Variants in EXT1 observed in about 807,000 individuals in gnomAD.
EXT1 encodes the protein exostosin glycosyltransferase 1, also known as exostosin-1.
Under a neutral mutation model 82.5 loss-of-function variants are expected in EXT1, and 20 were observed. The ratio of observed to expected loss-of-function variants is 0.24; its 90% CI spans 0.17 to 0.35. The LOEUF (loss-of-function observed/expected upper bound fraction) is 0.35. Ranked by LOEUF, EXT1 falls within the 10% of genes least tolerant of loss-of-function variation. The pLI is 1.00. For synonymous variants in EXT1, 348 were observed against 350.8 expected (o/e 0.99, Z 0.09); for missense variants, 757 against 936.5 (o/e 0.81, Z 2.50).
At chr8:117,979,385 AAC>A (rs1230252640) in intron 1 of EXT1, among the ~76,000 whole-genome samples, 30 of 151,914 alleles carry the variant, frequency 2.0e-4, no homozygotes, top group Non-Finnish European at 3.8e-4. Context: ...CAAACAAAAA[AAC>A]AAAACAAAAA....
intron 1 of EXT1, among the ~76,000 whole-genome samples, chr8:118,013,055 G>A (rs1050092818): frequency 1.6e-4 from 24 of 151,796 alleles, no homozygotes; most frequent in South Asian, 4.2e-4. Context: ...TTTTCTTTGA[G>A]ACAGAATCTC....
At chr8:117,951,104 A>T (rs1343822377) in intron 1 of EXT1, among the ~76,000 whole-genome samples, 1 of 152,218 alleles carries the variant, frequency 6.6e-6, no homozygotes, top group East Asian at 1.9e-4. Flanking sequence ...ACCTTTTCTG[A>T]GAGCTAATCA....
At chr8:117,850,790 C>A (rs1463097651) in intron 1 of EXT1, among the ~76,000 whole-genome samples, 7 of 152,138 alleles carry the variant, frequency 4.6e-5, no homozygotes, top group Non-Finnish European at 2.9e-5. Context: ...ACCATTGGAG[C>A]ATTTCAGGCA....
intron 1 of EXT1, among the ~76,000 whole-genome samples, chr8:117,867,944 A>G (rs113278498): frequency 2.1e-4 from 32 of 152,318 alleles, no homozygotes; most frequent in South Asian, 2.1e-3. Flanking sequence ...CTTGGGCTCA[A>G]TATTGAGGGC....
At chr8:117,807,918 G>A (rs1823262539) in intron 8 of EXT1, among the ~76,000 whole-genome samples, 2 of 151,754 alleles carry the variant, frequency 1.3e-5, no homozygotes, top group South Asian at 4.2e-4. Flanking sequence ...GTATCATAAA[G>A]AAAACATAAT....
intron 1 of EXT1, among the ~76,000 whole-genome samples, chr8:117,938,249 G>A (rs1019959230): frequency 1.3e-5 from 2 of 152,086 alleles, no homozygotes; most frequent in East Asian, 3.9e-4. Flanking sequence ...ATTATTTGAG[G>A]TCAGGAGTTT....
rs1317901400 is a variant in EXT1, at chr8:117,870,107, A to C, written c.963-32906T>G. Among the ~76,000 whole-genome samples, 2 of 152,348 alleles carry C rather than the reference A, an allele frequency of 1.3e-5. 1 individual carries two copies. The highest frequency in any genetic ancestry group is 3.9e-4 in the East Asian group (2 of 5,190). On this transcript the variant is annotated intron_variant, in intron 1 of 10. Transcript: ENST00000378204. ...GACTTTGCTCCTTACTTTAAAAAAA[A>C]AATTAGGAAAATGAAAAAACTTCAT...
chr8:117,989,419 A>G (rs1262082090), intron 1 of EXT1, among the ~76,000 whole-genome samples: 1 of 151,954 alleles, frequency 6.6e-6, no homozygotes, highest in Non-Finnish European at 1.5e-5. Flanking sequence ...CCTCCACTCA[A>G]TTACACGCTC....
At chr8:117,981,415 T>C (rs1341797622) in intron 1 of EXT1, among the ~76,000 whole-genome samples, 1 of 152,222 alleles carries the variant, frequency 6.6e-6, no homozygotes, top group Non-Finnish European at 1.5e-5. Flanking sequence ...TCTATTCTAG[T>C]ACTTTGGAGC....
intron 1 of EXT1, among the ~76,000 whole-genome samples, chr8:117,972,458 T>C (rs1814962429): frequency 6.6e-6 from 1 of 152,172 alleles, no homozygotes; most frequent in South Asian, 2.1e-4. Flanking sequence ...CCACTCTTGC[T>C]CAAATGGTAA....
chr8:117,933,913 C>T (rs1814108637), intron 1 of EXT1, among the ~76,000 whole-genome samples: 1 of 152,142 alleles, frequency 6.6e-6, no homozygotes, highest in African/African-American at 2.4e-5. Context: ...TCCAGCCTTG[C>T]TCCACGTGAA....
intron 1 of EXT1, among the ~76,000 whole-genome samples, chr8:117,882,482 A>G (rs1323654644): frequency 6.6e-6 from 1 of 152,162 alleles, no homozygotes; most frequent in Non-Finnish European, 1.5e-5. Flanking sequence ...TGTTAATGCC[A>G]CTATGATTAA....
chr8:117,829,409 C>T (rs1812059354), intron 4 of EXT1, among the ~76,000 whole-genome samples: 1 of 152,086 alleles, frequency 6.6e-6, no homozygotes, highest in Non-Finnish European at 1.5e-5. Flanking sequence ...TGATTCTCCT[C>T]TTAACACAAC....
At chr8:117,993,232 G>C (rs1252255442) in intron 1 of EXT1, among the ~76,000 whole-genome samples, 6 of 152,060 alleles carry the variant, frequency 3.9e-5, no homozygotes, top group South Asian at 2.1e-4. Flanking sequence ...GGCTGATCAA[G>C]TTTTAAAAAA....
At chr8:117,951,794 G>A (rs1444113632) in intron 1 of EXT1, among the ~76,000 whole-genome samples, 1 of 152,080 alleles carries the variant, frequency 6.6e-6, no homozygotes, top group East Asian at 1.9e-4. Context: ...CAGCCTGCAA[G>A]CTAAGAATGA....
chr8:117,903,047 T>A (rs2129971460), intron 1 of EXT1, among the ~76,000 whole-genome samples: 1 of 152,344 alleles, frequency 6.6e-6, no homozygotes, highest in Non-Finnish European at 1.5e-5. Flanking sequence ...CTGTCATAAA[T>A]CATTCATTCA....
At chr8:117,803,594 T>C (rs531969437) in intron 10 of EXT1, among the ~76,000 whole-genome samples, 146 of 152,188 alleles carry the variant, frequency 9.6e-4, no homozygotes, top group Non-Finnish European at 1.6e-3. Flanking sequence ...ACCAAGATGG[T>C]GGGGTGTACA....
chr8:118,072,004 C>T (rs1817103375), intron 1 of EXT1, among the ~76,000 whole-genome samples: 1 of 152,016 alleles, frequency 6.6e-6, no homozygotes, highest in African/African-American at 2.4e-5. Flanking sequence ...GGTTCACTTC[C>T]CAGAATGCAA....
chr8:117,853,919 T>C (rs1482927279), intron 1 of EXT1, among the ~76,000 whole-genome samples: 2 of 152,252 alleles, frequency 1.3e-5, no homozygotes, highest in Non-Finnish European at 2.9e-5. Context: ...AATGACTTAA[T>C]TGCAGAAAGA....
Sources: gnomAD v4.1 joint callset for allele counts (sites outside exome capture counted in the v4.1 genomes callset) on GRCh38, gnomAD v4.1.1 for gene constraint, MANE v1.5 for transcripts, NCBI Gene and HGNC (gene_info 2026-07-23, HGNC 2026-07-21) for gene names.